PTPRE: variants seen among roughly 807,000 people sequenced by gnomAD.
The protein encoded by PTPRE is receptor-type tyrosine-protein phosphatase epsilon.
PTPRE carries 51 observed loss-of-function variants against 102.0 expected under a neutral mutation model. The ratio of observed to expected loss-of-function variants is 0.50; its 90% CI spans 0.40 to 0.63. The LOEUF (loss-of-function observed/expected upper bound fraction) is 0.63, where lower values mean the gene tolerates loss of function less well. PTPRE is among the 30% of genes least tolerant of loss of function. The probability of loss-of-function intolerance (pLI) is 0.00; values close to 1 mark genes in which losing one functional copy is unlikely to be tolerated. For synonymous variants in PTPRE, 345 were observed against 348.2 expected (o/e 0.99, Z 0.10); for missense variants, 752 against 915.1 (o/e 0.82, Z 2.30).
intron 2 of PTPRE, among the ~76,000 whole-genome samples, chr10:127,995,899 A>C (rs1853212848): frequency 6.6e-6 from 1 of 151,660 alleles, no homozygotes; most frequent in African/African-American, 2.4e-5. Flanking sequence ...AATGGATTTG[A>C]CCTCTATTTG....
chr10:127,970,329 A>AGT (rs1850629951), intron 1 of PTPRE, among the ~76,000 whole-genome samples: 2 of 152,218 alleles, frequency 1.3e-5, no homozygotes, highest in South Asian at 4.1e-4. Flanking sequence ...AGGTCTTTTC[A>AGT]GTGTAAGCAC....
intron 8 of PTPRE, 31 bp downstream of exon 8, chr10:128,061,046 G>A: frequency 6.3e-7 from 1 of 1,595,586 alleles, no homozygotes; most frequent in East Asian, 2.2e-5. Flanking sequence ...TGTTCCCCTG[G>A]CCCAGCTGGG....
intron 6 of PTPRE, among the ~76,000 whole-genome samples, chr10:128,049,974 G>T (rs1452634140): frequency 2.0e-5 from 3 of 152,150 alleles, no homozygotes; most frequent in Non-Finnish European, 2.9e-5. Context: ...AACACAGAAG[G>T]CTAGGACCTG....
intron 1 of PTPRE, among the ~76,000 whole-genome samples, chr10:127,969,402 T>A (rs7086083): frequency 0.013 from 1,947 of 152,186 alleles, 47 homozygotes; most frequent in African/African-American, 0.044. Context: ...GTGTGACAGC[T>A]CAGGTTTATA....
intron 2 of PTPRE, among the ~76,000 whole-genome samples, chr10:128,010,729 C>T (rs182190683): frequency 3.7e-4 from 56 of 152,208 alleles, no homozygotes; most frequent in East Asian, 7.7e-4. Flanking sequence ...GTAGCTGGGA[C>T]TACAGGTGCC....
intron 2 of PTPRE, among the ~76,000 whole-genome samples, chr10:127,992,262 T>C (rs1049286691): frequency 9.2e-5 from 14 of 152,048 alleles, no homozygotes; most frequent in Non-Finnish European, 1.9e-4. Flanking sequence ...AGGTACCGAA[T>C]GTCTGTGCTA....
intron 1 of PTPRE, among the ~76,000 whole-genome samples, chr10:127,922,273 T>C (rs1241259244): frequency 6.6e-6 from 1 of 152,226 alleles, no homozygotes; most frequent in East Asian, 1.9e-4. Context: ...GAAGGCCTTC[T>C]GGTGCTGAGA....
At position 127,907,493 on chromosome 10, in the gene PTPRE, G is replaced by A. The variant is rs1422292194; in HGVS notation, c.-31+184G>A. On this transcript the variant is annotated intron_variant, in intron 1 of 20. Coordinates refer to ENST00000254667, the MANE Select transcript of PTPRE (RefSeq NM_006504.6). This position sits in a 1 kb window ranked among gnomAD's most constrained non-coding sequence, Gnocchi z 4.8. The stretch of plus-strand genomic sequence containing the variant: ...CGCCCAGTACCAGCGGCTGGGGCCC[G>A]TACGACCCCCGACCCCGGCCTGTGG... Among the ~76,000 whole-genome samples the A allele has an allele frequency of 6.6e-6, 1 of 151,710 alleles. No individual in the cohort carries two copies. Among genetic ancestry groups the A allele is most frequent in the African/African-American group, 2.4e-5 (1 of 41,320 alleles).
At chr10:127,965,774 A>G (rs1850200594) in intron 1 of PTPRE, among the ~76,000 whole-genome samples, 1 of 152,196 alleles carries the variant, frequency 6.6e-6, no homozygotes, top group East Asian at 1.9e-4. Context: ...GCTGGACAGC[A>G]TCAGAGATCT....
At chr10:127,968,011 T>G (rs374934646) in intron 1 of PTPRE, among the ~76,000 whole-genome samples, 448 of 125,728 alleles carry the variant, frequency 3.6e-3, no homozygotes, top group African/African-American at 0.011. Flanking sequence ...GCTCTATAGG[T>G]GTGTGTGTGT....
rs766057147 is a variant in PTPRE at position 128,070,651 on chromosome 10, C to T, written c.1294-157C>T. ...AGAGCCTCATAGCAGCCCTACTAGG[C>T]ACACATTTGTATTTCCCAATGCTAA... On this transcript the variant is annotated intron_variant, in intron 14 of 20. Coordinates refer to ENST00000254667, the MANE Select transcript of PTPRE (RefSeq NM_006504.6). The surrounding 1 kb of genome is among the most constrained non-coding windows in gnomAD (Gnocchi z 4.8). Among the ~76,000 whole-genome samples the T allele has an allele frequency of 6.6e-6, 1 of 152,242 alleles. No individual in the cohort carries two copies. Among genetic ancestry groups the T allele is most frequent in the Non-Finnish European group, 1.5e-5 (1 of 68,046 alleles).
chr10:127,932,220 C>T lies in PTPRE; in HGVS notation c.-31+24911C>T, dbSNP rs530706657. Among the ~76,000 whole-genome samples, 13 of 152,298 alleles carry T rather than the reference C, an allele frequency of 8.5e-5. No individual in the cohort carries two copies. The South Asian group carries it at 1.9e-3, about 22-fold the overall frequency. On this transcript the variant is annotated intron_variant, in intron 1 of 20. Transcript: ENST00000254667. ...AAAAACATTGAAAAAGCAAATTACA[C>T]GCAAAGTCTATATTGAAAATTAACA... is the stretch of plus-strand genomic sequence containing the variant.
At chr10:127,921,964 G>C (rs1409787062) in intron 1 of PTPRE, among the ~76,000 whole-genome samples, 7 of 152,218 alleles carry the variant, frequency 4.6e-5, no homozygotes, top group Admixed American at 4.6e-4. Context: ...CAGGAACTTT[G>C]CTCTTGCAGG....
chr10:128,073,046 C>G (rs1451391150), intron 16 of PTPRE, among the ~76,000 whole-genome samples: 1 of 152,198 alleles, frequency 6.6e-6, no homozygotes, highest in Non-Finnish European at 1.5e-5. Context: ...ATGTTAGAAT[C>G]TAAGCCACCA....
intron 2 of PTPRE, among the ~76,000 whole-genome samples, chr10:127,995,499 G>A (rs546028019): frequency 2.1e-4 from 32 of 152,256 alleles, no homozygotes; most frequent in African/African-American, 4.8e-4. Flanking sequence ...GAATAGCACC[G>A]CAAAATTACC....
intron 17 of PTPRE, among the ~76,000 whole-genome samples, chr10:128,074,682 G>T (rs1310516287): frequency 6.7e-6 from 1 of 148,710 alleles, no homozygotes; most frequent in Non-Finnish European, 1.5e-5. Flanking sequence ...AAAAAAAAAA[G>T]TTTCTTGAAC....
chr10:127,926,243 T>C (rs543621950), intron 1 of PTPRE, among the ~76,000 whole-genome samples: 1 of 152,382 alleles, frequency 6.6e-6, no homozygotes, highest in Non-Finnish European at 1.5e-5. Flanking sequence ...TGAGTTTTTT[T>C]CCTTCATTTT....
chr10:127,918,630 C>T (rs538053950), intron 1 of PTPRE, among the ~76,000 whole-genome samples: 4 of 151,920 alleles, frequency 2.6e-5, no homozygotes, highest in African/African-American at 9.6e-5. Flanking sequence ...GGGGAAAAGG[C>T]TGAAAGAATC....
intron 2 of PTPRE, among the ~76,000 whole-genome samples, chr10:127,989,668 T>G (rs1351439404): frequency 6.6e-6 from 1 of 152,222 alleles, no homozygotes; most frequent in Non-Finnish European, 1.5e-5. Flanking sequence ...AAAGAAAAAC[T>G]TTTCCGTTAT....
Sources: gnomAD v4.1 joint callset for allele counts (sites outside exome capture counted in the v4.1 genomes callset) on GRCh38, gnomAD v4.1.1 for gene constraint, Gnocchi (gnomAD v3.1) non-coding constraint, MANE v1.5 for transcripts, NCBI Gene and HGNC (gene_info 2026-07-23, HGNC 2026-07-21) for gene names.